MEF2A: variants seen among roughly 807,000 people sequenced by gnomAD.
MEF2A encodes the protein myocyte enhancer factor 2A, also known as myocyte-specific enhancer factor 2A.
In MEF2A, 28 loss-of-function variants were observed where a neutral mutation model predicts 55.8. That is an observed-to-expected ratio of 0.50 (90% CI 0.37 to 0.69). The LOEUF is 0.69. Ranked by LOEUF, MEF2A falls within the 30% of genes least tolerant of loss-of-function variation. MEF2A has a pLI of 0.00. For missense variants in MEF2A, 528 were observed against 626.2 expected, an observed-to-expected ratio of 0.84 and a Z score of 1.67; for synonymous variants, 239 against 227.1, an observed-to-expected ratio of 1.05 and a Z score of -0.47.
chr15:99,568,652 C>A (rs1293010346), intron 1 of MEF2A, among the ~76,000 whole-genome samples: 3 of 152,158 alleles, frequency 2.0e-5, no homozygotes, highest in Non-Finnish European at 4.4e-5. Flanking sequence ...AAGCCATGAA[C>A]AAATTTGTTA....
At chr15:99,681,564 A>C (rs1021681354) in intron 7 of MEF2A, among the ~76,000 whole-genome samples, 1 of 152,218 alleles carries the variant, frequency 6.6e-6, no homozygotes. Context: ...TTTCTGAAAG[A>C]GAAGAAGATA....
intron 4 of MEF2A, among the ~76,000 whole-genome samples, chr15:99,663,143 C>G (rs1231463065): frequency 6.6e-6 from 1 of 151,830 alleles, no homozygotes; most frequent in Non-Finnish European, 1.5e-5. Flanking sequence ...AGCAGATACT[C>G]CAGCAGTATA....
At chr15:99,686,461 C>A (rs1273515855) in intron 7 of MEF2A, among the ~76,000 whole-genome samples, 1 of 152,154 alleles carries the variant, frequency 6.6e-6, no homozygotes, top group African/African-American at 2.4e-5. Flanking sequence ...AAGACTCTCT[C>A]TTCTTCATTC....
intron 2 of MEF2A, among the ~76,000 whole-genome samples, chr15:99,623,829 C>T (rs1315603924): frequency 2.1e-5 from 3 of 142,866 alleles, no homozygotes; most frequent in Non-Finnish European, 3.0e-5. Flanking sequence ...TTAATTGAGA[C>T]GGGGTTTCGC....
At chr15:99,666,608 A>AATAATAATAATAATG (rs1470102715) in intron 4 of MEF2A, among the ~76,000 whole-genome samples, 2 of 149,266 alleles carry the variant, frequency 1.3e-5, no homozygotes, top group African/African-American at 4.9e-5. Flanking sequence ...TAATAATAAT[A>AATAATAATAATAATG]ATAAAAAGAT....
rs1482588529 is a variant in MEF2A at position 99,673,982 on chromosome 15, GT to G, written c.391-409del. On this transcript the variant is annotated intron_variant, in intron 5 of 11. Coordinates refer to ENST00000557942, the MANE Select transcript of MEF2A (RefSeq NM_001319206.4). ...TATGTGTACACACTTTTCTCCTTCC[GT>G]TATATTTGGGATCTCTCAGTAGAAA... 2.0e-5 allele frequency among the ~76,000 whole-genome samples: 3 copies of G among 151,818 alleles called. No individual in the cohort carries two copies. The East Asian group carries it at 5.8e-4, about 29-fold the overall frequency.
chr15:99,649,997 A>G (rs917890424), intron 4 of MEF2A, among the ~76,000 whole-genome samples: 7 of 152,170 alleles, frequency 4.6e-5, no homozygotes, highest in Non-Finnish European at 7.3e-5. Flanking sequence ...AATTCAGATT[A>G]TTGTGCTGTC....
At chr15:99,700,187 TAC>T (rs1234666173) in intron 8 of MEF2A, among the ~76,000 whole-genome samples, 29 of 112,378 alleles carry the variant, frequency 2.6e-4, no homozygotes, top group African/African-American at 1.0e-3. Context: ...TGTGTATATA[TAC>T]ACACACACAC....
chr15:99,642,679 A>G (rs890916640), intron 3 of MEF2A, among the ~76,000 whole-genome samples: 1 of 152,112 alleles, frequency 6.6e-6, no homozygotes, highest in African/African-American at 2.4e-5. Context: ...TTTTGGTTTC[A>G]CCTTCCCTGG....
In MEF2A at chr15:99,714,736, A is replaced by AATTGCTATTTTAT; in HGVS notation, c.*1969_*1981dup. ...TTCCTAAAAAACTCAAGGGTTTAAA[A>AATTGCTATTTTAT]ATTGCTATTTTATATTTTAAATGAT... On this transcript the variant is annotated 3_prime_UTR_variant, in exon 12 of 12. Coordinates refer to ENST00000557942, the MANE Select transcript of MEF2A (RefSeq NM_001319206.4). The AATTGCTATTTTAT allele has an allele frequency of 6.6e-6, 1 of 152,124 alleles. No homozygotes were observed. The highest frequency in any genetic ancestry group is 1.9e-4 in the East Asian group (1 of 5,198). The allele number at this position is 152,124 out of a possible 1,614,324, so 9.4% of individuals were successfully genotyped here.
intron 11 of MEF2A, 46 bp downstream of exon 11, chr15:99,710,806 C>T (rs2058560263): frequency 6.3e-7 from 1 of 1,576,492 alleles, no homozygotes; most frequent in Non-Finnish European, 8.7e-7. Flanking sequence ...CTGGCCTACA[C>T]ACTCTCTTTT....
chr15:99,703,303 T>C (rs908339985), intron 8 of MEF2A, 59 bp from the exon 9 acceptor site: 50 of 1,563,492 alleles, frequency 3.2e-5, no homozygotes, highest in Non-Finnish European at 3.9e-5. Flanking sequence ...AGAAATATTT[T>C]GTTTGTGAGT....
intron 1 of MEF2A, among the ~76,000 whole-genome samples, chr15:99,569,883 A>ATTT (rs1451689990): frequency 6.6e-6 from 1 of 152,032 alleles, no homozygotes; most frequent in African/African-American, 2.4e-5. Flanking sequence ...TGTGCCTTAT[A>ATTT]ATAAATGGAC....
intron 1 of MEF2A, among the ~76,000 whole-genome samples, chr15:99,575,761 G>C (rs1018166433): frequency 1.3e-5 from 2 of 152,084 alleles, no homozygotes; most frequent in East Asian, 3.9e-4. Flanking sequence ...TCTAACCATC[G>C]TTCCCTCTCC....
chr15:99,614,839 T>G (rs1445279128), intron 2 of MEF2A, among the ~76,000 whole-genome samples: 1 of 151,994 alleles, frequency 6.6e-6, no homozygotes, highest in Non-Finnish European at 1.5e-5. Context: ...GTTAGGAGCT[T>G]TCTAAGTACA....
chr15:99,631,878 G>T (rs936212723), intron 2 of MEF2A, among the ~76,000 whole-genome samples: 1 of 152,176 alleles, frequency 6.6e-6, no homozygotes, highest in African/African-American at 2.4e-5. Context: ...GCAAAAGCCA[G>T]ATTTAATCAC....
At chr15:99,593,617 C>G (rs905768618) in intron 1 of MEF2A, among the ~76,000 whole-genome samples, 1 of 152,166 alleles carries the variant, frequency 6.6e-6, no homozygotes, top group Non-Finnish European at 1.5e-5. Context: ...GAACTGTTTT[C>G]ATGTAGAAAC....
At chr15:99,569,114 G>C (rs1960982771) in intron 1 of MEF2A, among the ~76,000 whole-genome samples, 1 of 152,216 alleles carries the variant, frequency 6.6e-6, no homozygotes, top group African/African-American at 2.4e-5. Flanking sequence ...AAGGAAGGCT[G>C]CTTGACTCTG....
chr15:99,608,825 C>T (rs1227655608), intron 2 of MEF2A, among the ~76,000 whole-genome samples: 5 of 151,562 alleles, frequency 3.3e-5, no homozygotes, highest in Non-Finnish European at 5.9e-5. Flanking sequence ...CACTTGAACC[C>T]GAGATGTGGA....
Sources: allele counts gnomAD v4.1 joint callset (sites outside exome capture counted in the v4.1 genomes callset), GRCh38; gene constraint gnomAD v4.1.1; transcripts MANE v1.5; gene names NCBI Gene and HGNC (gene_info 2026-07-23, HGNC 2026-07-21).